Variants in TRPM3 observed in about 807,000 individuals in gnomAD.
TRPM3 encodes the protein transient receptor potential cation channel subfamily M member 3.
TRPM3 carries 77 observed loss-of-function variants against 181.2 expected under a neutral mutation model. The ratio of observed to expected loss-of-function variants is 0.42; its 90% CI spans 0.35 to 0.51. TRPM3 has a LOEUF of 0.51. TRPM3 is among the 20% of genes least tolerant of loss of function. TRPM3 has a pLI of 0.01. For synonymous variants in TRPM3, 745 were observed against 796.4 expected (o/e 0.94, Z 1.09); for missense variants, 1,759 against 2,196.7 (o/e 0.80, Z 3.98).
At chr9:71,369,672 G>A (rs1429828428) in intron 1 of TRPM3, among the ~76,000 whole-genome samples, 3 of 152,172 alleles carry the variant, frequency 2.0e-5, no homozygotes, top group Non-Finnish European at 4.4e-5. Context: ...GTGAGACACC[G>A]CGCCCGGCCG....
intron 1 of TRPM3, among the ~76,000 whole-genome samples, chr9:71,061,147 G>A (rs1271598931): frequency 6.6e-6 from 1 of 152,100 alleles, no homozygotes; most frequent in Admixed American, 6.6e-5. Context: ...GCCACCTGGA[G>A]CACTGGAAGA....
intron 1 of TRPM3, among the ~76,000 whole-genome samples, chr9:71,056,699 G>T (rs1451115260): frequency 6.6e-6 from 1 of 152,040 alleles, no homozygotes; most frequent in African/African-American, 2.4e-5. Flanking sequence ...AAGACTATAA[G>T]ACATAGAGAG....
chr9:71,359,373 A>C (rs1423113596), intron 1 of TRPM3, among the ~76,000 whole-genome samples: 1 of 152,244 alleles, frequency 6.6e-6, no homozygotes, highest in Non-Finnish European at 1.5e-5. Flanking sequence ...CCATGAAGAA[A>C]GGGAATTTTA....
At chr9:70,879,786 T>C (rs112777012) in intron 1 of TRPM3, among the ~76,000 whole-genome samples, 2,643 of 152,240 alleles carry the variant, frequency 0.017, 68 homozygotes, top group African/African-American at 0.06. Flanking sequence ...AATGGAACCA[T>C]TAAGCCTTAA....
chr9:70,790,892 T>C (rs2085219004), intron 6 of TRPM3, among the ~76,000 whole-genome samples: 2 of 152,184 alleles, frequency 1.3e-5, no homozygotes, highest in South Asian at 4.1e-4. Flanking sequence ...AGACAGAGAA[T>C]ATTTTAATAC....
chr9:70,670,718 G>A (rs552971900), intron 9 of TRPM3, among the ~76,000 whole-genome samples: 8 of 152,186 alleles, frequency 5.3e-5, no homozygotes, highest in Admixed American at 2.0e-4. Flanking sequence ...TTTAAAACCC[G>A]TTTCAGAAGG....
At chr9:71,267,850 C>T (rs551031332) in intron 1 of TRPM3, among the ~76,000 whole-genome samples, 1 of 152,220 alleles carries the variant, frequency 6.6e-6, no homozygotes, top group Non-Finnish European at 1.5e-5. Flanking sequence ...ACAATCATCA[C>T]CTAAAACGAA....
Position 70,827,839 on chromosome 9 carries a change from CTACT to C in TRPM3, c.973+4_973+7del. 1.2e-6 allele frequency: 2 copies of C among 1,613,376 alleles called. No individual in the cohort carries two copies. The highest frequency in any genetic ancestry group is 1.7e-6 in the Non-Finnish European group (2 of 1,179,448). On this transcript the variant is annotated splice_donor_5th_base_variant and intron_variant, in intron 6 of 25. Transcript: ENST00000677713. Reference sequence around the variant, plus strand: ...CGAGCCATGCCAGTGGGAACAACCGCTACTTACTTGTGTTTATCTTCTGGAGTGA... The same window carrying C: ...CGAGCCATGCCAGTGGGAACAACCGCTACTTGTGTTTATCTTCTGGAGTGA...
At chr9:71,224,101 G>A (rs2080422687) in intron 1 of TRPM3, among the ~76,000 whole-genome samples, 1 of 152,194 alleles carries the variant, frequency 6.6e-6, no homozygotes, top group African/African-American at 2.4e-5. Context: ...GTGCTGTGGT[G>A]GCTTCAGGTC....
At chr9:71,085,311 A>T (rs1315166543) in intron 1 of TRPM3, among the ~76,000 whole-genome samples, 3 of 152,130 alleles carry the variant, frequency 2.0e-5, no homozygotes, top group Admixed American at 2.0e-4. Context: ...GCTTTTGCAC[A>T]GCAAAAGAAA....
intron 1 of TRPM3, among the ~76,000 whole-genome samples, chr9:71,280,593 A>G (rs1327340527): frequency 6.6e-6 from 1 of 152,236 alleles, no homozygotes; most frequent in East Asian, 1.9e-4. Context: ...TAAATAATGG[A>G]GTCAAATAAG....
intron 1 of TRPM3, among the ~76,000 whole-genome samples, chr9:71,263,324 A>G (rs1342671913): frequency 6.6e-6 from 1 of 152,138 alleles, no homozygotes; most frequent in Non-Finnish European, 1.5e-5. Context: ...TCTTCATTTA[A>G]TTTCACAAAG....
rs186565419 is a variant in TRPM3 at position 71,276,826 on chromosome 9, T to C, written c.183+169827A>G. On this transcript the variant is annotated intron_variant, in intron 1 of 24. Transcript: ENST00000357533. Reference sequence around the variant, plus strand: ...TTCTTGACAAATTTTTGCCTATATGTACCAGGAAATATGCATGAAATATTT... The same window carrying C: ...TTCTTGACAAATTTTTGCCTATATGCACCAGGAAATATGCATGAAATATTT... 3.3e-3 allele frequency among the ~76,000 whole-genome samples: 502 copies of C among 152,306 alleles called. 1 individual carries two copies. The highest frequency in any genetic ancestry group is 0.011 in the African/African-American group (475 of 41,566).
intron 1 of TRPM3, among the ~76,000 whole-genome samples, chr9:71,250,155 G>C (rs1217127673): frequency 6.6e-6 from 1 of 152,112 alleles, no homozygotes; most frequent in Admixed American, 6.5e-5. Flanking sequence ...AGTACATTTA[G>C]AATTTGGCTT....
chr9:71,283,578 C>T (rs1464807184), intron 1 of TRPM3, among the ~76,000 whole-genome samples: 1 of 152,216 alleles, frequency 6.6e-6, no homozygotes, highest in Non-Finnish European at 1.5e-5. Context: ...GCTGGGATTA[C>T]TGGCATGAGC....
At chr9:71,107,721 G>C (rs2070038836) in intron 1 of TRPM3, among the ~76,000 whole-genome samples, 2 of 152,126 alleles carry the variant, frequency 1.3e-5, no homozygotes, top group South Asian at 4.1e-4. Context: ...TTTTACATTT[G>C]TATGAACTAT....
At chr9:70,985,994 T>G (rs1439473017) in intron 1 of TRPM3, among the ~76,000 whole-genome samples, 1 of 152,234 alleles carries the variant, frequency 6.6e-6, no homozygotes, top group African/African-American at 2.4e-5. Context: ...GATAAAATAT[T>G]CCTTCCAGGA....
At chr9:70,631,361 C>CTTT (rs11285828) in intron 12 of TRPM3, among the ~76,000 whole-genome samples, 4 of 136,846 alleles carry the variant, frequency 2.9e-5, no homozygotes, top group South Asian at 2.4e-4. Context: ...TCTGAAATGC[C>CTTT]TTTTTTTTTT....
chr9:70,588,985 T>C (rs1025633346), intron 22 of TRPM3, among the ~76,000 whole-genome samples: 3 of 152,210 alleles, frequency 2.0e-5, no homozygotes, highest in African/African-American at 2.4e-5. Context: ...GCTACCATTG[T>C]AGCTCTTTCA....
Sources: gnomAD v4.1 joint callset for allele counts (sites outside exome capture counted in the v4.1 genomes callset) on GRCh38, gnomAD v4.1.1 for gene constraint, MANE v1.5 for transcripts, NCBI Gene and HGNC (gene_info 2026-07-23, HGNC 2026-07-21) for gene names.